ANO10: variants seen among roughly 807,000 people sequenced by gnomAD.
The protein encoded by ANO10 is anoctamin 10.
In ANO10, 77 loss-of-function variants were observed where a neutral mutation model predicts 74.7. The observed-to-expected ratio is 1.03, with a 90% confidence interval of 0.86 to 1.25. The LOEUF is 1.25. ANO10 is among the 50% of genes most tolerant of loss of function. The probability of loss-of-function intolerance (pLI) is 0.00; values close to 1 mark genes in which losing one functional copy is unlikely to be tolerated. For missense variants in ANO10, 721 were observed against 778.1 expected (o/e 0.93, Z 0.87); for synonymous variants, 279 against 284.9 (o/e 0.98, Z 0.21).
At chr3:43,516,333 G>A (rs2077709658) in intron 11 of ANO10, among the ~76,000 whole-genome samples, 1 of 152,126 alleles carries the variant, frequency 6.6e-6, no homozygotes, top group Non-Finnish European at 1.5e-5. Context: ...GAAATTGGAT[G>A]GGAGAAAATT....
intron 12 of ANO10, among the ~76,000 whole-genome samples, chr3:43,417,808 A>G (rs2092764122): frequency 6.6e-6 from 1 of 152,202 alleles, no homozygotes; most frequent in Non-Finnish European, 1.5e-5. Flanking sequence ...GTTAAATATT[A>G]TATTTCAGGT....
intron 1 of ANO10, among the ~76,000 whole-genome samples, chr3:43,607,711 T>C (rs980158364): frequency 1.3e-5 from 2 of 152,106 alleles, no homozygotes; most frequent in African/African-American, 2.4e-5. Flanking sequence ...AACAAACACA[T>C]AATAGATCCA....
chr3:43,660,573 G>C (rs1234999014), intron 1 of ANO10, among the ~76,000 whole-genome samples: 1 of 152,168 alleles, frequency 6.6e-6, no homozygotes, highest in Non-Finnish European at 1.5e-5. Flanking sequence ...AACGAACAAA[G>C]CTTCCAAGAC....
At chr3:43,383,078 C>G (rs913645625) in intron 12 of ANO10, among the ~76,000 whole-genome samples, 10 of 152,130 alleles carry the variant, frequency 6.6e-5, no homozygotes, top group Non-Finnish European at 2.9e-5. Flanking sequence ...AAAAAGAAAA[C>G]TACAGACCAA....
At chr3:43,566,687 C>T (rs1477545079) in intron 7 of ANO10, among the ~76,000 whole-genome samples, 1 of 152,208 alleles carries the variant, frequency 6.6e-6, no homozygotes, top group African/African-American at 2.4e-5. Context: ...CCCATCTGTA[C>T]ATCACCATCA....
chr3:43,568,924 T>C (rs1412141989), intron 7 of ANO10, among the ~76,000 whole-genome samples: 2 of 147,974 alleles, frequency 1.4e-5, no homozygotes, highest in African/African-American at 5.1e-5. Flanking sequence ...ATCAACAAAA[T>C]TGATAGACCG....
At chr3:43,658,501 G>A (rs551420049) in intron 1 of ANO10, among the ~76,000 whole-genome samples, 137 of 151,810 alleles carry the variant, frequency 9.0e-4, no homozygotes, top group Non-Finnish European at 1.4e-3. Context: ...ATGGAGTCTC[G>A]CACTGTTGCC....
At chr3:43,675,391 A>G (rs1032547033) in intron 1 of ANO10, among the ~76,000 whole-genome samples, 1 of 152,178 alleles carries the variant, frequency 6.6e-6, no homozygotes, top group Non-Finnish European at 1.5e-5. Context: ...ATAGGATTTT[A>G]TCAAATTAAA....
chr3:43,606,886 C>T (rs1263938496), intron 1 of ANO10, among the ~76,000 whole-genome samples: 1 of 152,142 alleles, frequency 6.6e-6, no homozygotes, highest in Non-Finnish European at 1.5e-5. Flanking sequence ...AGACAATATA[C>T]ACCCACACTC....
At chr3:43,670,380 T>C (rs996774293) in intron 1 of ANO10, among the ~76,000 whole-genome samples, 2 of 151,954 alleles carry the variant, frequency 1.3e-5, no homozygotes, top group Non-Finnish European at 2.9e-5. Context: ...AGATCATTTC[T>C]AATTTCATAA....
At chr3:43,414,931 A>G (rs1383111881) in intron 12 of ANO10, among the ~76,000 whole-genome samples, 2 of 136,402 alleles carry the variant, frequency 1.5e-5, no homozygotes, top group Non-Finnish European at 3.1e-5. Context: ...GGGCCTAACT[A>G]CTTCCTCACC....
At chr3:43,381,222 A>G (rs140129168) in intron 12 of ANO10, among the ~76,000 whole-genome samples, 54 of 152,338 alleles carry the variant, frequency 3.5e-4, no homozygotes, top group African/African-American at 1.2e-3. Flanking sequence ...CATGTCACTA[A>G]TGTTGAATGT....
chr3:43,451,003 C>T (rs1019876200), intron 11 of ANO10, among the ~76,000 whole-genome samples: 2 of 152,092 alleles, frequency 1.3e-5, no homozygotes, highest in African/African-American at 4.8e-5. Flanking sequence ...AAGTTAATGC[C>T]AATCTGATTA....
In ANO10 at chr3:43,566,340, G is replaced by C. The variant is rs553647608; in HGVS notation, c.1219-613C>G. On this transcript the variant is annotated intron_variant, in intron 7 of 12. Transcript: ENST00000292246. ...GAACTGGGTGGAGCCCACCACAGCT[G>C]AAGGAGGCCTGCCTGCCTCTGTAGG... Among the ~76,000 whole-genome samples, 283 of 152,318 alleles carry C rather than the reference G, an allele frequency of 1.9e-3. 3 individuals are homozygous for C. Among genetic ancestry groups the C allele is most frequent in the Non-Finnish European group, 1.9e-3 (132 of 68,022 alleles).
At chr3:43,573,747 T>C (rs969566242) in intron 7 of ANO10, among the ~76,000 whole-genome samples, 12 of 152,304 alleles carry the variant, frequency 7.9e-5, no homozygotes, top group African/African-American at 2.9e-4. Flanking sequence ...GCTTTCTCTC[T>C]GTCTCTTTCC....
chr3:43,685,492 A>G (rs2084263521), intron 1 of ANO10, among the ~76,000 whole-genome samples: 1 of 152,186 alleles, frequency 6.6e-6, no homozygotes, highest in Non-Finnish European at 1.5e-5. Context: ...AGACTACTGA[A>G]GCAAACATCT....
rs1265241214 is a variant in ANO10 at position 43,599,473 on chromosome 3, T to C, written c.338-807A>G. 2.6e-5 allele frequency among the ~76,000 whole-genome samples: 4 copies of C among 152,344 alleles called. No homozygotes were observed. The East Asian group carries it at 5.8e-4, about 22-fold the overall frequency. Reference sequence around the variant, plus strand: ...TGAGGTTTCTAAGGTACTGAACTACTACTGTATTTCTTATTATTATAAAAT... The same window carrying C: ...TGAGGTTTCTAAGGTACTGAACTACCACTGTATTTCTTATTATTATAAAAT... On this transcript the variant is annotated intron_variant, in intron 3 of 12. Transcript: ENST00000292246.
chr3:43,502,315 G>A (rs756721573), intron 11 of ANO10, among the ~76,000 whole-genome samples: 2 of 152,160 alleles, frequency 1.3e-5, no homozygotes, highest in Admixed American at 6.5e-5. Context: ...GGTGCCTAGT[G>A]GACAGTGTTT....
At chr3:43,634,249 C>T (rs1160643256) in intron 1 of ANO10, among the ~76,000 whole-genome samples, 1 of 151,974 alleles carries the variant, frequency 6.6e-6, no homozygotes, top group Admixed American at 6.6e-5. Context: ...CAGAGTTACA[C>T]AACTTAGTAA....
Sources: allele counts gnomAD v4.1 joint callset (sites outside exome capture counted in the v4.1 genomes callset), GRCh38; gene constraint gnomAD v4.1.1; transcripts MANE v1.5; gene names NCBI Gene and HGNC (gene_info 2026-07-23, HGNC 2026-07-21).